Variants in UBE2V2 observed in about 807,000 individuals in gnomAD.
The protein encoded by UBE2V2 is ubiquitin-conjugating enzyme E2 variant 2.
UBE2V2 carries 9 observed loss-of-function variants against 17.2 expected under a neutral mutation model. That is an observed-to-expected ratio of 0.52 (90% CI 0.32 to 0.91). The LOEUF (loss-of-function observed/expected upper bound fraction) is 0.91, where lower values mean the gene tolerates loss of function less well. UBE2V2 is among the 40% of genes least tolerant of loss of function. The probability of loss-of-function intolerance (pLI) is 0.04; values close to 1 mark genes in which losing one functional copy is unlikely to be tolerated. For missense variants in UBE2V2, 133 were observed against 182.6 expected (o/e 0.73, Z 1.56); for synonymous variants, 61 against 57.5 (o/e 1.06, Z -0.28).
intron 3 of UBE2V2, among the ~76,000 whole-genome samples, chr8:48,051,624 G>A (rs1027863307): frequency 1.3e-5 from 2 of 152,138 alleles, no homozygotes; most frequent in Admixed American, 1.3e-4. Context: ...TGGCTCCCAT[G>A]CTTCCCAGTG....
At chr8:48,022,521 C>G (rs753617470) in intron 1 of UBE2V2, among the ~76,000 whole-genome samples, 53 of 152,262 alleles carry the variant, frequency 3.5e-4, no homozygotes, top group Middle Eastern at 3.4e-3. Context: ...ACTAAAGATA[C>G]AAGTAATTTA....
At chr8:48,017,753 G>T (rs1294219525) in intron 1 of UBE2V2, among the ~76,000 whole-genome samples, 1 of 151,774 alleles carries the variant, frequency 6.6e-6, no homozygotes, top group Non-Finnish European at 1.5e-5. Flanking sequence ...TGCTTTTGTT[G>T]AGTGTGCTTT....
At chr8:48,008,337 G>A (rs964469175), upstream of UBE2V2, 16 of 1,343,592 alleles carry the variant, frequency 1.2e-5, no homozygotes, top group African/African-American at 1.5e-5. Context: ...CCCTCGGGTC[G>A]CCCCGCGCCC....
intron 3 of UBE2V2, among the ~76,000 whole-genome samples, chr8:48,056,786 C>G (rs184589426): frequency 6.6e-6 from 1 of 152,042 alleles, no homozygotes; most frequent in African/African-American, 2.4e-5. Flanking sequence ...TGCGGTGGTG[C>G]GATCTTGGCT....
chr8:48,028,922 C>G (rs193150265), intron 1 of UBE2V2, among the ~76,000 whole-genome samples: 2 of 152,268 alleles, frequency 1.3e-5, no homozygotes, highest in East Asian at 3.9e-4. Flanking sequence ...ATTGTCTTCA[C>G]TTTCTTGATG....
chr8:48,052,770 A>G (rs1369003292), intron 3 of UBE2V2, among the ~76,000 whole-genome samples: 4 of 152,214 alleles, frequency 2.6e-5, no homozygotes, highest in South Asian at 2.1e-4. Flanking sequence ...GCTTCTTGCC[A>G]TGGCTCACTG....
chr8:48,030,678 G>A (rs1032825819), intron 1 of UBE2V2, among the ~76,000 whole-genome samples: 8 of 151,724 alleles, frequency 5.3e-5, no homozygotes, highest in Non-Finnish European at 1.2e-4. Flanking sequence ...TTGAGATCGT[G>A]TACTCCAGCC....
intron 1 of UBE2V2, chr8:48,041,982 G>A (rs2091467306): frequency 6.6e-6 from 1 of 152,082 alleles, no homozygotes; most frequent in African/African-American, 2.4e-5. Flanking sequence ...TAATAGAGAT[G>A]GGGTTCCTCC....
upstream of UBE2V2, among the ~76,000 whole-genome samples, chr8:48,006,792 AAAT>A (rs557685165): frequency 1.1e-3 from 172 of 152,320 alleles, 1 homozygote; most frequent in Middle Eastern, 3.4e-3. Flanking sequence ...ATGTATCTCA[AAAT>A]AATAAGAGCT....
intron 1 of UBE2V2, among the ~76,000 whole-genome samples, chr8:48,033,416 A>AAC (rs2091397961): frequency 1.3e-5 from 2 of 151,690 alleles, no homozygotes; most frequent in Admixed American, 1.3e-4. Context: ...GAACTCCTGG[A>AAC]CTCAAGTAAT....
At chr8:48,010,698 G>GT (rs556750645) in intron 1 of UBE2V2, among the ~76,000 whole-genome samples, 2,207 of 98,650 alleles carry the variant, frequency 0.022, 37 homozygotes, top group African/African-American at 0.06. Context: ...GGGTTTGTTT[G>GT]TTTTTTTTTT....
upstream of UBE2V2, chr8:48,008,320 G>C (rs2091199300): frequency 8.2e-7 from 1 of 1,222,464 alleles, no homozygotes; most frequent in Non-Finnish European, 1.1e-6. Context: ...GCCCACGTGC[G>C]CGCTGTCCCT....
chr8:48,020,401 G>A (rs1305874216), intron 1 of UBE2V2, among the ~76,000 whole-genome samples: 1 of 152,020 alleles, frequency 6.6e-6, no homozygotes, highest in African/African-American at 2.4e-5. Context: ...TACAGGTGAG[G>A]TGAGTCTTTT....
intron 3 of UBE2V2, among the ~76,000 whole-genome samples, chr8:48,055,424 C>CT: frequency 6.6e-6 from 1 of 151,980 alleles, no homozygotes; most frequent in Middle Eastern, 3.4e-3. Flanking sequence ...TGGTCTTGAA[C>CT]TCCTGATTTC....
intron 3 of UBE2V2, among the ~76,000 whole-genome samples, chr8:48,052,716 T>G (rs555588430): frequency 6.6e-6 from 1 of 152,226 alleles, no homozygotes; most frequent in Admixed American, 6.5e-5. Flanking sequence ...TCGTGTCATT[T>G]CTGCACTTCA....
chr8:48,021,542 G>A (rs1446980589), intron 1 of UBE2V2, among the ~76,000 whole-genome samples: 2 of 152,006 alleles, frequency 1.3e-5, no homozygotes, highest in Non-Finnish European at 2.9e-5. Context: ...TCCTGACCTC[G>A]TGATCTGCCC....
In UBE2V2 at chr8:48,025,025, C is replaced by T. The variant is rs189674383; in HGVS notation, c.16+16555C>T. On this transcript the variant is annotated intron_variant, in intron 1 of 3. Coordinates refer to ENST00000523111, the MANE Select transcript of UBE2V2 (RefSeq NM_003350.3). ...TCTCAGCTCACTGCAACCTCCGCTT[C>T]CTGGGTTCAAGTGATTCTCCAGCTT... Among the ~76,000 whole-genome samples, 2 of 151,186 alleles carry T rather than the reference C, an allele frequency of 1.3e-5. 1 individual carries two copies. Among genetic ancestry groups the T allele is most frequent in the East Asian group, 3.9e-4 (2 of 5,110 alleles).
intron 2 of UBE2V2, among the ~76,000 whole-genome samples, chr8:48,046,840 G>A (rs891348273): frequency 6.6e-6 from 1 of 151,326 alleles, no homozygotes; most frequent in Non-Finnish European, 1.5e-5. Flanking sequence ...GGCTCAAATG[G>A]CCCACCTGCC....
At chr8:48,011,919 A>T (rs979317403) in intron 1 of UBE2V2, among the ~76,000 whole-genome samples, 1 of 152,158 alleles carries the variant, frequency 6.6e-6, no homozygotes, top group Admixed American at 6.5e-5. Flanking sequence ...TGAGGTTAGG[A>T]TTACAGGTTT....
Sources: gnomAD v4.1 joint callset for allele counts (sites outside exome capture counted in the v4.1 genomes callset) on GRCh38, gnomAD v4.1.1 for gene constraint, MANE v1.5 for transcripts, NCBI Gene and HGNC (gene_info 2026-07-23, HGNC 2026-07-21) for gene names.